Variants in LEPR observed in about 807,000 individuals in gnomAD.
LEPR encodes leptin receptor.
Under a neutral mutation model 114.7 loss-of-function variants are expected in LEPR, and 56 were observed. The observed-to-expected ratio is 0.49, with a 90% CI of 0.39 to 0.61. The LOEUF (loss-of-function observed/expected upper bound fraction) is 0.61. LEPR is among the 20% of genes least tolerant of loss of function. The pLI, the probability that LEPR is intolerant of heterozygous loss-of-function variation, is 0.00. For synonymous variants in LEPR, 443 were observed against 461.4 expected, an observed-to-expected ratio of 0.96 and a Z score of 0.51; for missense variants, 1,202 against 1,352.9, an observed-to-expected ratio of 0.89 and a Z score of 1.75.
chr1:65,572,305 T>TG (rs1557670760), intron 4 of LEPR, 21 bp from the exon 5 acceptor site: 13 of 1,448,654 alleles, frequency 9.0e-6, no homozygotes, highest in African/African-American at 5.9e-5. Context: ...TTTTTTTTTT[T>TG]TTTTTTTTTT....
At chr1:65,503,402 A>G (rs933134092) in intron 2 of LEPR, among the ~76,000 whole-genome samples, 1 of 152,210 alleles carries the variant, frequency 6.6e-6, no homozygotes, top group Non-Finnish European at 1.5e-5. Flanking sequence ...ATAAAACCTC[A>G]CTGAAGGGAC....
At chr1:65,591,117 T>A (rs1181797243) in intron 5 of LEPR, among the ~76,000 whole-genome samples, 2 of 152,104 alleles carry the variant, frequency 1.3e-5, no homozygotes, top group Admixed American at 6.6e-5. Flanking sequence ...AATTATTTAG[T>A]TGTGTTCAGT....
chr1:65,547,933 C>A (rs1386789511), intron 2 of LEPR, among the ~76,000 whole-genome samples: 2 of 124,138 alleles, frequency 1.6e-5, no homozygotes, highest in African/African-American at 6.1e-5. Context: ...CTGCTTTCTC[C>A]TGTGGGCATT....
At chr1:65,589,278 ATTAT>A (rs1482658720) in intron 5 of LEPR, among the ~76,000 whole-genome samples, 2 of 151,988 alleles carry the variant, frequency 1.3e-5, no homozygotes, top group African/African-American at 4.8e-5. Context: ...TTGTATTATT[ATTAT>A]TTAGTTTTGA....
At chr1:65,571,847 C>G (rs1473120630) in intron 4 of LEPR, among the ~76,000 whole-genome samples, 3 of 142,102 alleles carry the variant, frequency 2.1e-5, no homozygotes, top group African/African-American at 7.8e-5. Context: ...GTGCATGCCT[C>G]TAGTCCCATC....
intron 19 of LEPR, 30 bp from the exon 20 acceptor site, chr1:65,636,161 T>A: frequency 1.2e-6 from 2 of 1,613,008 alleles, no homozygotes; most frequent in Non-Finnish European, 1.7e-6. Flanking sequence ...TTTAACATAA[T>A]TGAGCCTTAA....
At chr1:65,525,902 C>T in intron 2 of LEPR, 1 of 944,098 alleles carries the variant, frequency 1.1e-6, no homozygotes, top group Non-Finnish European at 1.3e-6. Context: ...TTGGGACGCG[C>T]GTGGCAGACG....
At chr1:65,466,514 T>C (rs1024573221) in intron 2 of LEPR, among the ~76,000 whole-genome samples, 34 of 152,146 alleles carry the variant, frequency 2.2e-4, no homozygotes, top group Non-Finnish European at 2.9e-5. Flanking sequence ...TTGGGGTTGC[T>C]CTTGTTGAGG....
intron 10 of LEPR, among the ~76,000 whole-genome samples, chr1:65,602,375 G>C (rs1379731214): frequency 3.3e-5 from 5 of 151,938 alleles, no homozygotes; most frequent in Admixed American, 2.6e-4. Context: ...GATTATAAGA[G>C]ATAATATGAA....
At chr1:65,547,461 A>G (rs1428658346) in intron 2 of LEPR, among the ~76,000 whole-genome samples, 2 of 151,490 alleles carry the variant, frequency 1.3e-5, no homozygotes, top group Non-Finnish European at 3.0e-5. Flanking sequence ...TTGGTAAGCT[A>G]TTGATTATTG....
intron 2 of LEPR, among the ~76,000 whole-genome samples, chr1:65,551,984 A>T (rs1485495696): frequency 1.3e-5 from 2 of 152,178 alleles, no homozygotes; most frequent in Non-Finnish European, 2.9e-5. Flanking sequence ...ATTCAGGAGC[A>T]GGTTGTTCAG....
intron 2 of LEPR, among the ~76,000 whole-genome samples, chr1:65,440,251 A>G (rs1204732716): frequency 6.6e-6 from 1 of 152,036 alleles, no homozygotes; most frequent in Non-Finnish European, 1.5e-5. Flanking sequence ...TCTTTCAAGA[A>G]ATATTTGTTG....
chr1:65,626,055 G>T, intron 19 of LEPR: 2 of 1,442,174 alleles, frequency 1.4e-6, no homozygotes, highest in South Asian at 2.4e-5. Flanking sequence ...GGAGGGCCAT[G>T]AAATGATCAG....
intron 2 of LEPR, among the ~76,000 whole-genome samples, chr1:65,507,972 G>A (rs998248142): frequency 3.3e-5 from 5 of 152,056 alleles, no homozygotes; most frequent in Non-Finnish European, 7.4e-5. Context: ...GTATGTCTTG[G>A]CCATTTGTAT....
chr1:65,616,034 C>A lies in LEPR; in HGVS notation c.2022C>A (p.Cys674Ter). ...CCCTGATGAAAAATGACTCATTGTG[C>A]AGTGTTCAGAGATATGTGATAAACC... ...WKPLMKNDSL[C>*]SVQRYVINHH... Residue 674 changes from cysteine (C) to a stop codon, truncating the protein, a stop_gained, in exon 15 of 20, where the codon TGC (cysteine) becomes TGA (stop). Transcript: ENST00000349533. LOFTEE classifies it high-confidence loss of function. 1 of 1,614,088 alleles carries A rather than the reference C, an allele frequency of 6.2e-7. No individual in the cohort carries two copies. The highest frequency in any genetic ancestry group is 2.2e-5 in the East Asian group (1 of 44,864).
intron 2 of LEPR, among the ~76,000 whole-genome samples, chr1:65,520,760 A>G (rs1178308104): frequency 2.6e-5 from 4 of 152,260 alleles, no homozygotes; most frequent in Non-Finnish European, 4.4e-5. Flanking sequence ...TTGTTTCTAT[A>G]GATTATAGAT....
At chr1:65,581,388 C>G (rs1021211285) in intron 5 of LEPR, among the ~76,000 whole-genome samples, 2 of 151,894 alleles carry the variant, frequency 1.3e-5, no homozygotes, top group East Asian at 3.9e-4. Flanking sequence ...AGCCCATATG[C>G]GCATCTAAGT....
intron 2 of LEPR, among the ~76,000 whole-genome samples, chr1:65,510,193 A>G (rs1282069681): frequency 6.6e-6 from 1 of 152,184 alleles, no homozygotes; most frequent in Non-Finnish European, 1.5e-5. Context: ...AAGACCATCT[A>G]CATATCTCCC....
At chr1:65,424,787 G>A (rs1198653800) in intron 1 of LEPR, among the ~76,000 whole-genome samples, 4 of 152,154 alleles carry the variant, frequency 2.6e-5, no homozygotes, top group Non-Finnish European at 4.4e-5. Context: ...GAGAGAGTGT[G>A]TGCTCTACTT....
Sources: gnomAD v4.1 joint callset for allele counts (sites outside exome capture counted in the v4.1 genomes callset) on GRCh38, gnomAD v4.1.1 for gene constraint, MANE v1.5 for transcripts, NCBI Gene and HGNC (gene_info 2026-07-23, HGNC 2026-07-21) for gene names.